The following TENM3 variants were observed in gnomAD, a reference collection of about 807,000 sequenced individuals.
TENM3 encodes teneurin-3.
In TENM3, 63 loss-of-function variants were observed where a neutral mutation model predicts 255.1. The ratio of observed to expected loss-of-function variants is 0.25; its 90% confidence interval spans 0.20 to 0.30. The LOEUF (loss-of-function observed/expected upper bound fraction) is 0.30, where lower values mean the gene tolerates loss of function less well. Ranked by LOEUF, TENM3 falls within the 10% of genes least tolerant of loss-of-function variation. The probability of loss-of-function intolerance (pLI) is 1.00; values close to 1 mark genes in which losing one functional copy is unlikely to be tolerated. For missense variants in TENM3, 2,929 were observed against 3,461.1 expected, an observed-to-expected ratio of 0.85 and a Z score of 3.86; for synonymous variants, 1,306 against 1,322.3, an observed-to-expected ratio of 0.99 and a Z score of 0.27.
chr4:182,303,636 G>T (rs1217044309), intron 1 of TENM3, among the ~76,000 whole-genome samples: 1 of 152,074 alleles, frequency 6.6e-6, no homozygotes, highest in African/African-American at 2.4e-5. Context: ...ACCTTGGTGG[G>T]GGGGGTGACT....
chr4:182,630,678 A>G (rs973364098), intron 5 of TENM3, among the ~76,000 whole-genome samples: 17 of 152,302 alleles, frequency 1.1e-4, no homozygotes, highest in African/African-American at 3.4e-4. Flanking sequence ...ACAAACCTGC[A>G]CATCCTGCAC....
chr4:181,494,865 G>C, the TENM3 span, among the ~76,000 whole-genome samples: 2 of 152,014 alleles, frequency 1.3e-5, no homozygotes, highest in African/African-American at 2.4e-5. Flanking sequence ...TCATCTTCAA[G>C]ATGTCGTGAA....
chr4:182,763,372 T>C (rs1200016344), intron 22 of TENM3, among the ~76,000 whole-genome samples: 1 of 152,238 alleles, frequency 6.6e-6, no homozygotes, highest in South Asian at 2.1e-4. Context: ...GAGACCATCC[T>C]AGCTAACACG....
intron 3 of TENM3, among the ~76,000 whole-genome samples, chr4:182,397,879 A>T (rs1397080332): frequency 2.0e-5 from 3 of 152,106 alleles, no homozygotes; most frequent in African/African-American, 7.2e-5. Context: ...ACTGCGCTCT[A>T]CTTCTGTGCC....
At chr4:181,580,387 C>T in the TENM3 span, among the ~76,000 whole-genome samples, 1 of 152,188 alleles carries the variant, frequency 6.6e-6, no homozygotes. Flanking sequence ...TCTCCATCTG[C>T]CACCCCAACC....
intron 3 of TENM3, among the ~76,000 whole-genome samples, chr4:182,428,571 C>T (rs947935055): frequency 2.6e-4 from 39 of 151,514 alleles, no homozygotes; most frequent in Admixed American, 7.9e-4. Context: ...CTATTGATTC[C>T]GTCAGTCAAT....
At chr4:181,456,213 A>G in the TENM3 span, among the ~76,000 whole-genome samples, 1 of 151,292 alleles carries the variant, frequency 6.6e-6, no homozygotes, top group South Asian at 2.1e-4. Flanking sequence ...ATATGTGTAT[A>G]TATATATGAA....
chr4:181,644,563 C>G, the TENM3 span, among the ~76,000 whole-genome samples: 346 of 152,256 alleles, frequency 2.3e-3, 2 homozygotes, highest in African/African-American at 7.0e-3. Flanking sequence ...TCCAAACTGT[C>G]CTATTCACAC....
chr4:181,505,267 G>A, the TENM3 span, among the ~76,000 whole-genome samples: 2 of 152,008 alleles, frequency 1.3e-5, no homozygotes, highest in Non-Finnish European at 2.9e-5. Flanking sequence ...TTGTTAAAAT[G>A]CTGGTAGCTT....
At chr4:181,690,454 T>A in the TENM3 span, among the ~76,000 whole-genome samples, 1 of 152,218 alleles carries the variant, frequency 6.6e-6, no homozygotes, top group African/African-American at 2.4e-5. Flanking sequence ...CAGGGATATA[T>A]AACTGAGGTA....
At chr4:182,713,972 CA>C in intron 12 of TENM3, 114 bp from the exon 13 acceptor site, 1 of 750,732 alleles carries the variant, frequency 1.3e-6, no homozygotes, top group Non-Finnish European at 2.2e-6. Flanking sequence ...TGTGCAATTA[CA>C]GTATTTGTGC....
In TENM3 at chr4:182,800,082, A is replaced by G; in HGVS notation, c.7831A>G (p.Met2611Val). 1.3e-6 allele frequency: 2 copies of G among 1,599,022 alleles called. No homozygotes were observed. Among genetic ancestry groups the G allele is most frequent in the Admixed American group, 1.7e-5 (1 of 58,602 alleles). The change falls in exon 28 of 28, where the codon ATG becomes GTG. Residue 2611 changes from methionine (M) to valine (V), a missense_variant. Met to Val is a conservative substitution (Grantham distance 21, BLOSUM62 1). Coordinates refer to ENST00000511685, the MANE Select transcript of TENM3 (RefSeq NM_001080477.4). ...GCTGGCGCTGCACGTGCGCTACGGCATGACCCTGGACGAGGAGAAGGCGCG... is the reference window on the plus strand; with the variant it reads ...GCTGGCGCTGCACGTGCGCTACGGCGTGACCCTGGACGAGGAGAAGGCGCG... ...GALALHVRYG[M>V]TLDEEKARIL...
At chr4:181,812,056 T>C in the TENM3 span, among the ~76,000 whole-genome samples, 1 of 152,306 alleles carries the variant, frequency 6.6e-6, no homozygotes, top group Non-Finnish European at 1.5e-5. Flanking sequence ...TTTTTTTAAT[T>C]TGTTTCTCTT....
the TENM3 span, among the ~76,000 whole-genome samples, chr4:181,635,927 C>T: frequency 6.6e-6 from 1 of 152,110 alleles, no homozygotes. Context: ...GAAATTACAT[C>T]GTGGGCTCCC....
chr4:182,257,576 A>G (rs1758490796), intron 1 of TENM3, among the ~76,000 whole-genome samples: 1 of 152,190 alleles, frequency 6.6e-6, no homozygotes, highest in African/African-American at 2.4e-5. Flanking sequence ...TTATGTATCA[A>G]CACTGCCCAA....
Position 182,755,019 on chromosome 4 carries a change from A to G in TENM3, c.4652A>G (p.Asn1551Ser), listed in dbSNP as rs1476431241. ...TACAATTTTAGCTACAGCAATGACAATGATATTACTGCTGTGACAGACAGC... is the reference window on the plus strand; with the variant it reads ...TACAATTTTAGCTACAGCAATGACAGTGATATTACTGCTGTGACAGACAGC... ...YLYNFSYSND[N>S]DITAVTDSNG... Residue 1551 changes from asparagine to serine, a missense_variant, in exon 22 of 28, where the codon AAT (asparagine) becomes AGT (serine). Transcript: ENST00000511685. The G allele has an allele frequency of 1.2e-6, 2 of 1,614,020 alleles. No individual in the cohort carries two copies. Among genetic ancestry groups the G allele is most frequent in the Admixed American group, 1.7e-5 (1 of 60,030 alleles).
chr4:181,638,510 A>T, the TENM3 span, among the ~76,000 whole-genome samples: 1 of 152,356 alleles, frequency 6.6e-6, no homozygotes, highest in African/African-American at 2.4e-5. Flanking sequence ...TTCCATCTGC[A>T]GAACAAATCC....
intron 3 of TENM3, among the ~76,000 whole-genome samples, chr4:182,478,053 G>A (rs1211754058): frequency 1.3e-5 from 2 of 151,950 alleles, no homozygotes; most frequent in Non-Finnish European, 2.9e-5. Context: ...TGTCTTTCAG[G>A]AACAAATCTG....
chr4:182,760,960 G>A (rs1426305111), intron 22 of TENM3, among the ~76,000 whole-genome samples: 1 of 152,082 alleles, frequency 6.6e-6, no homozygotes, highest in East Asian at 1.9e-4. Flanking sequence ...GCAGGAAAAC[G>A]CAATGATAAT....
Sources: gnomAD v4.1 joint callset for allele counts (sites outside exome capture counted in the v4.1 genomes callset) on GRCh38, gnomAD v4.1.1 for gene constraint, MANE v1.5 for transcripts, NCBI Gene and HGNC (gene_info 2026-07-23, HGNC 2026-07-21) for gene names.